SPAG17: variants seen among roughly 807,000 people sequenced by gnomAD.
SPAG17 encodes the protein sperm associated antigen 17.
Under a neutral mutation model 273.6 loss-of-function variants are expected in SPAG17, and 169 were observed. The observed-to-expected ratio is 0.62, with a 90% CI of 0.55 to 0.70. The LOEUF is 0.70. SPAG17 is among the 30% of genes least tolerant of loss of function. SPAG17 has a pLI of 0.00. For missense variants in SPAG17, 2,557 were observed against 2,627.8 expected (o/e 0.97, Z 0.59); for synonymous variants, 825 against 873.2 (o/e 0.94, Z 0.97).
intron 40 of SPAG17, among the ~76,000 whole-genome samples, chr1:117,987,301 AT>A (rs1339402317): frequency 6.6e-6 from 1 of 152,188 alleles, no homozygotes; most frequent in Non-Finnish European, 1.5e-5. Context: ...CAACCCTGAC[AT>A]TTTTATGAAG....
At chr1:118,070,869 A>T (rs1653508634) in intron 17 of SPAG17, among the ~76,000 whole-genome samples, 1 of 152,202 alleles carries the variant, frequency 6.6e-6, no homozygotes, top group Admixed American at 6.5e-5. Context: ...GATTCATTTC[A>T]AGTATTCAGA....
At chr1:118,081,752 C>T (rs1227024266) in intron 13 of SPAG17, 110 bp from the exon 14 acceptor site, 19 of 846,850 alleles carry the variant, frequency 2.2e-5, no homozygotes, top group Admixed American at 7.0e-5. Flanking sequence ...AAGAGAGTCA[C>T]GCCACAATGG....
At chr1:118,022,582 T>A (rs958899001) in intron 28 of SPAG17, among the ~76,000 whole-genome samples, 3 of 152,172 alleles carry the variant, frequency 2.0e-5, no homozygotes, top group Non-Finnish European at 4.4e-5. Flanking sequence ...AAGTAGACAT[T>A]TTCATGTGGT....
intron 25 of SPAG17, among the ~76,000 whole-genome samples, chr1:118,028,967 T>C (rs1478065874): frequency 6.6e-6 from 1 of 152,170 alleles, no homozygotes. Flanking sequence ...CTATGAGGAA[T>C]AGCTGGGCAT....
chr1:118,051,178 T>G (rs545099931), intron 20 of SPAG17, among the ~76,000 whole-genome samples: 1 of 151,950 alleles, frequency 6.6e-6, no homozygotes, highest in Non-Finnish European at 1.5e-5. Context: ...AAATGCAAAT[T>G]AAACTCATCA....
intron 32 of SPAG17, among the ~76,000 whole-genome samples, chr1:118,000,419 G>A (rs888744949): frequency 2.6e-5 from 4 of 152,128 alleles, no homozygotes; most frequent in African/African-American, 9.7e-5. Flanking sequence ...TGGGCAGTAT[G>A]GCCATTTTCA....
At chr1:118,028,444 C>A (rs1557927877) in intron 25 of SPAG17, 50 bp from the exon 26 acceptor site, 1 of 1,602,212 alleles carries the variant, frequency 6.2e-7, no homozygotes, top group South Asian at 1.1e-5. Context: ...TCTTAATGAG[C>A]TATTATTTAT....
chr1:118,023,240 A>G, intron 28 of SPAG17, 64 bp downstream of exon 28: 1 of 1,213,138 alleles, frequency 8.2e-7, no homozygotes, highest in East Asian at 2.5e-5. Context: ...ATAATATTGA[A>G]CACTTATTAA....
At chr1:118,065,269 A>G (rs1028462470) in intron 18 of SPAG17, among the ~76,000 whole-genome samples, 9 of 152,178 alleles carry the variant, frequency 5.9e-5, no homozygotes, top group Non-Finnish European at 1.2e-4. Flanking sequence ...AAAATTAAGT[A>G]GAAAACATGA....
intron 41 of SPAG17, 145 bp from the exon 42 acceptor site, chr1:117,984,058 GATTAACCCA>G: frequency 3.9e-6 from 2 of 512,232 alleles, no homozygotes; most frequent in South Asian, 6.4e-5. Context: ...ACAAGAGACT[GATTAACCCA>G]ATTCTAGCTT....
At chr1:118,160,399 T>A (rs1659854544) in intron 1 of SPAG17, among the ~76,000 whole-genome samples, 1 of 152,260 alleles carries the variant, frequency 6.6e-6, no homozygotes. Context: ...AAGCTTTGTG[T>A]ATGTTTCATG....
intron 3 of SPAG17, among the ~76,000 whole-genome samples, chr1:118,145,847 C>T (rs966339420): frequency 1.3e-5 from 2 of 152,084 alleles, no homozygotes; most frequent in African/African-American, 4.8e-5. Context: ...TCAACTAGAG[C>T]ATAAGAACTT....
intron 32 of SPAG17, among the ~76,000 whole-genome samples, chr1:118,004,079 G>T (rs1056802014): frequency 6.6e-6 from 1 of 152,170 alleles, no homozygotes; most frequent in Non-Finnish European, 1.5e-5. Context: ...TCCTTCAGCT[G>T]CAGGTCTGTT....
At chr1:118,088,544 C>T (rs1655154046) in intron 10 of SPAG17, among the ~76,000 whole-genome samples, 1 of 151,828 alleles carries the variant, frequency 6.6e-6, no homozygotes, top group African/African-American at 2.4e-5. Context: ...AAAACTAAGA[C>T]AATCAAAAAC....
chr1:117,984,418 GGTAA>G (rs544509375), intron 41 of SPAG17, among the ~76,000 whole-genome samples: 1 of 152,230 alleles, frequency 6.6e-6, no homozygotes, highest in South Asian at 2.1e-4. Flanking sequence ...GATGGGAGAG[GGTAA>G]GTAATAGTGA....
intron 10 of SPAG17, 141 bp downstream of exon 10, chr1:118,091,465 C>A (rs945859036): frequency 6.9e-6 from 4 of 579,288 alleles, no homozygotes; most frequent in Non-Finnish European, 1.2e-5. Flanking sequence ...ACTTTAGTTT[C>A]ATCTGAACTA....
At chr1:118,153,626 A>G (rs1011280060) in intron 1 of SPAG17, among the ~76,000 whole-genome samples, 5 of 152,168 alleles carry the variant, frequency 3.3e-5, no homozygotes, top group Non-Finnish European at 7.3e-5. Flanking sequence ...ACATGGGCAG[A>G]TCACAAGGTC....
chr1:118,099,022 C>G (rs1655891873), intron 6 of SPAG17, among the ~76,000 whole-genome samples: 1 of 152,152 alleles, frequency 6.6e-6, no homozygotes, highest in Non-Finnish European at 1.5e-5. Flanking sequence ...CTAAAGTATA[C>G]AGTGGCTTTT....
rs1656096358 is a variant in SPAG17 at position 118,101,934 on chromosome 1, G to A, written c.448-8C>T. 1 of 1,604,332 alleles carries A rather than the reference G, an allele frequency of 6.2e-7. No individual in the cohort carries two copies. Among genetic ancestry groups the A allele is most frequent in the Non-Finnish European group, 8.5e-7 (1 of 1,176,762 alleles). On this transcript the variant is annotated splice_polypyrimidine_tract_variant and splice_region_variant and intron_variant, in intron 4 of 48. Coordinates refer to ENST00000336338, the MANE Select transcript of SPAG17 (RefSeq NM_206996.4). ...AGGTTTGTCTTCTATTACCTGGAAT[G>A]AGAGAACACTTTTTTCTCCAAATCA...
Sources: allele counts gnomAD v4.1 joint callset (sites outside exome capture counted in the v4.1 genomes callset), GRCh38; gene constraint gnomAD v4.1.1; transcripts MANE v1.5; gene names NCBI Gene and HGNC (gene_info 2026-07-23, HGNC 2026-07-21).